The following PRR11 variants were observed in gnomAD, a reference collection of about 807,000 sequenced individuals.
PRR11 encodes proline rich 11.
PRR11 carries 30 observed loss-of-function variants against 45.6 expected under a neutral mutation model. The observed-to-expected ratio is 0.66, with a 90% CI of 0.49 to 0.89. PRR11 has a LOEUF of 0.89. Ranked by LOEUF, PRR11 falls within the 40% of genes least tolerant of loss-of-function variation. PRR11 has a pLI of 0.00. For missense variants in PRR11, 373 were observed against 424.8 expected, an observed-to-expected ratio of 0.88 and a Z score of 1.07; for synonymous variants, 128 against 153.5, an observed-to-expected ratio of 0.83 and a Z score of 1.23.
At chr17:59,185,386 C>T in intron 3 of PRR11, 54 bp from the exon 4 acceptor site, 1 of 1,560,508 alleles carries the variant, frequency 6.4e-7, no homozygotes, top group African/African-American at 1.4e-5. Flanking sequence ...TTCCTGTTTT[C>T]TTGTCCTTAT....
chr17:59,188,676 C>A (rs2046825839), intron 4 of PRR11, among the ~76,000 whole-genome samples: 1 of 151,910 alleles, frequency 6.6e-6, no homozygotes, highest in Admixed American at 6.6e-5. Context: ...TGGTGGCTCA[C>A]ACCTGTAATC....
chr17:59,199,314 C>T (rs2046881254), intron 9 of PRR11, among the ~76,000 whole-genome samples: 1 of 152,124 alleles, frequency 6.6e-6, no homozygotes, highest in African/African-American at 2.4e-5. Flanking sequence ...GTAAGAGTTC[C>T]ATGGGGTGAG....
rs1438861672 is a variant in PRR11, at chr17:59,169,868, C to A, written c.116C>A (p.Pro39His). 7.5e-6 allele frequency: 12 copies of A among 1,603,910 alleles called. No individual in the cohort carries two copies. The highest frequency in any genetic ancestry group is 1.0e-5 in the Non-Finnish European group (12 of 1,176,978). ...CTAATTACACCTCCTCCTCCACCAC[C>A]CTCACCAGAAAGGTAAGGCTTAATG... Reference protein sequence around the residue: ...SKLITPPPPPPSPERVGISSI... With the variant: ...SKLITPPPPPHSPERVGISSI... The change falls in exon 2 of 10, where the codon CCC (proline) becomes CAC (histidine). Residue 39 changes from proline to histidine, a missense_variant. Physicochemically the swap from Pro to His is moderately conservative, Grantham distance 77 (BLOSUM62 -2). Transcript: ENST00000262293.
At chr17:59,164,922 C>T (rs549601330) in intron 1 of PRR11, among the ~76,000 whole-genome samples, 2 of 151,992 alleles carry the variant, frequency 1.3e-5, no homozygotes, top group Non-Finnish European at 2.9e-5. Flanking sequence ...TGAAATGTAA[C>T]CTTTTTTCTT....
chr17:59,183,806 G>T (rs1007248253), intron 2 of PRR11, among the ~76,000 whole-genome samples: 1 of 152,134 alleles, frequency 6.6e-6, no homozygotes, highest in East Asian at 1.9e-4. Flanking sequence ...AGACTAAGTC[G>T]AAAAATCTCA....
rs893226719 is a variant in PRR11, at chr17:59,203,629, C to G, written c.*1998C>G. 3 of 152,126 alleles carry G rather than the reference C, an allele frequency of 2.0e-5. No individual in the cohort carries two copies. The highest frequency in any genetic ancestry group is 2.0e-4 in the Admixed American group (3 of 15,264). The allele number at this position is 152,126 out of a possible 1,614,324, so 9.4% of individuals were successfully genotyped here. The stretch of plus-strand genomic sequence containing the variant: ...ATCCGAGCACTTGTGGAGGCCGAGG[C>G]AGGCGGATTACTTGAGGTCAGGACT... On this transcript the variant is annotated 3_prime_UTR_variant, in exon 10 of 10. Coordinates refer to ENST00000262293, the MANE Select transcript of PRR11 (RefSeq NM_018304.4).
Position 59,203,899 on chromosome 17 carries a change from AG to A in PRR11, c.*2269del, listed in dbSNP as rs1035263119. 6.6e-6 allele frequency: 1 copy of A among 151,902 alleles called. No homozygotes were observed. Among genetic ancestry groups the A allele is most frequent in the Admixed American group, 6.6e-5 (1 of 15,216 alleles). 9.4% of individuals were successfully genotyped at this position (151,902 alleles called of 1,614,324 possible). A position where few individuals can be genotyped will look rare whatever the true frequency, so the allele number is the denominator to read the frequency against. ...GAGATATATATCAGCTTCTAGTAAA[AG>A]TTTTTTTTTTTAAACCTGCTAGCTA... On this transcript the variant is annotated 3_prime_UTR_variant, in exon 10 of 10. Transcript: ENST00000262293.
chr17:59,193,760 G>A, intron 5 of PRR11, 26 bp downstream of exon 5: 2 of 1,605,948 alleles, frequency 1.2e-6, no homozygotes, highest in South Asian at 1.1e-5. Flanking sequence ...GTAATGATAT[G>A]TTTTGATATG....
intron 2 of PRR11, among the ~76,000 whole-genome samples, chr17:59,175,333 C>T (rs146934133): frequency 6.6e-6 from 1 of 152,324 alleles, no homozygotes; most frequent in East Asian, 1.9e-4. Flanking sequence ...AAGACAAAAA[C>T]CCAACTGGTG....
In PRR11 at chr17:59,185,375, G is replaced by C. The variant is rs1409602717; in HGVS notation, c.280-65G>C. On this transcript the variant is annotated intron_variant, in intron 3 of 9. Transcript: ENST00000262293. The stretch of plus-strand genomic sequence containing the variant: ...AAAACATACATCAAGTCACTTTCTG[G>C]TTCCTGTTTTCTTGTCCTTATCATA... 9 of 1,549,450 alleles carry C rather than the reference G, an allele frequency of 5.8e-6. No individual in the cohort carries two copies. In the East Asian group the frequency reaches 1.4e-4, roughly 23 times the overall value.
intron 2 of PRR11, chr17:59,181,675 G>C: frequency 6.5e-7 from 1 of 1,542,566 alleles, no homozygotes; most frequent in Non-Finnish European, 8.8e-7. Flanking sequence ...TGACTCCTCA[G>C]ATTGGTCCGA....
chr17:59,186,381 A>ATTTTTTTTTTTTTTTTTTTT (rs59082405), intron 4 of PRR11, among the ~76,000 whole-genome samples: 1 of 84,608 alleles, frequency 1.2e-5, no homozygotes, highest in Non-Finnish European at 2.3e-5. Context: ...GCTGTTTGTA[A>ATTTTTTTTTTTTTTTTTTTT]TTTTTTTTTT....
intron 2 of PRR11, among the ~76,000 whole-genome samples, chr17:59,178,207 G>T (rs1314947872): frequency 3.9e-5 from 6 of 152,174 alleles, no homozygotes; most frequent in Admixed American, 3.3e-4. Flanking sequence ...GGTGGTGCAT[G>T]CCTGTAATCC....
intron 2 of PRR11, among the ~76,000 whole-genome samples, chr17:59,175,965 A>C (rs1000067031): frequency 3.3e-5 from 5 of 152,200 alleles, no homozygotes; most frequent in Non-Finnish European, 7.3e-5. Context: ...TTCTACAGGC[A>C]TCTAGTCTAA....
At chr17:59,181,643 C>G in intron 2 of PRR11, 6 of 1,509,628 alleles carry the variant, frequency 4.0e-6, no homozygotes, top group Non-Finnish European at 5.4e-6. Flanking sequence ...GGGGCGAGCT[C>G]CTTCTCTGGC....
intron 2 of PRR11, chr17:59,179,622 G>A: frequency 6.6e-7 from 1 of 1,516,176 alleles, no homozygotes; most frequent in Non-Finnish European, 8.9e-7. Flanking sequence ...AACAGGATTG[G>A]AGGTGCTCTC....
intron 4 of PRR11, among the ~76,000 whole-genome samples, chr17:59,187,925 T>A (rs1430871922): frequency 6.6e-6 from 1 of 150,512 alleles, no homozygotes; most frequent in East Asian, 2.0e-4. Context: ...CCTCAAAGAA[T>A]ATTTGCATAA....
chr17:59,179,384 A>C (rs2046768146), intron 2 of PRR11, among the ~76,000 whole-genome samples: 1 of 152,030 alleles, frequency 6.6e-6, no homozygotes, highest in Non-Finnish European at 1.5e-5. Context: ...CAATCCTCTT[A>C]ACTCAGCCTG....
intron 2 of PRR11, among the ~76,000 whole-genome samples, chr17:59,180,763 C>T (rs2046780788): frequency 6.6e-6 from 1 of 151,642 alleles, no homozygotes; most frequent in Non-Finnish European, 1.5e-5. Context: ...GCCTCAGCCT[C>T]CCAAAGTGCT....
Sources: gnomAD v4.1 joint callset for allele counts (sites outside exome capture counted in the v4.1 genomes callset) on GRCh38, gnomAD v4.1.1 for gene constraint, MANE v1.5 for transcripts, NCBI Gene and HGNC (gene_info 2026-07-23, HGNC 2026-07-21) for gene names.